RBFOX1: variants seen among roughly 807,000 people sequenced by gnomAD.
RBFOX1 encodes RNA binding protein fox-1 homolog 1.
Under a neutral mutation model 57.7 loss-of-function variants are expected in RBFOX1, and 8 were observed. The observed-to-expected ratio is 0.14, with a 90% confidence interval of 0.08 to 0.25. The LOEUF is 0.25. RBFOX1 is among the 10% of genes least tolerant of loss of function. RBFOX1 has a pLI of 1.00. For synonymous variants in RBFOX1, 326 were observed against 222.4 expected (o/e 1.47, Z -4.15); for missense variants, 611 against 548.5 (o/e 1.11, Z -1.14).
At chr16:5,911,298 T>C (rs989209077) in intron 4 of RBFOX1, among the ~76,000 whole-genome samples, 5 of 152,162 alleles carry the variant, frequency 3.3e-5, no homozygotes, top group Non-Finnish European at 7.3e-5. Context: ...TCCACACTTA[T>C]TACTGATGGG....
At chr16:6,172,514 C>T (rs1400116562) in intron 1 of RBFOX1, among the ~76,000 whole-genome samples, 1 of 152,158 alleles carries the variant, frequency 6.6e-6, no homozygotes, top group East Asian at 1.9e-4. Context: ...TGCCCCTCAA[C>T]TTCATGTCCT....
At chr16:5,421,864 G>A (rs568871840) in intron 1 of RBFOX1, among the ~76,000 whole-genome samples, 6 of 152,268 alleles carry the variant, frequency 3.9e-5, no homozygotes, top group African/African-American at 4.8e-5. Flanking sequence ...ACCGGCACAC[G>A]TGAAGGCATG....
intron 3 of RBFOX1, chr16:5,611,474 G>A (rs1596449780): frequency 6.6e-6 from 1 of 152,164 alleles, no homozygotes; most frequent in South Asian, 2.1e-4. Context: ...TACCAGCGTT[G>A]TTGCTGCTGT....
chr16:7,440,260 CAG>C (rs1236995642), intron 4 of RBFOX1, among the ~76,000 whole-genome samples: 1 of 152,072 alleles, frequency 6.6e-6, no homozygotes, highest in Non-Finnish European at 1.5e-5. Flanking sequence ...AATTAAACAG[CAG>C]AGAGTTTGTT....
intron 1 of RBFOX1, among the ~76,000 whole-genome samples, chr16:6,236,257 C>G (rs926270703): frequency 6.6e-6 from 1 of 152,124 alleles, no homozygotes; most frequent in Non-Finnish European, 1.5e-5. Flanking sequence ...CCTGGCACCA[C>G]CACCTTGACC....
At chr16:6,197,880 G>C (rs777622413) in intron 1 of RBFOX1, among the ~76,000 whole-genome samples, 4 of 151,472 alleles carry the variant, frequency 2.6e-5, no homozygotes, top group African/African-American at 4.9e-5. Flanking sequence ...GCTTCCACTT[G>C]TAAGTGAGAA....
At chr16:6,819,728 A>C (rs1207525846) in intron 3 of RBFOX1, among the ~76,000 whole-genome samples, 1 of 101,862 alleles carries the variant, frequency 9.8e-6, no homozygotes, top group Non-Finnish European at 2.1e-5. Flanking sequence ...AAAAAAAAAA[A>C]AAATAACAAC....
In RBFOX1 at chr16:6,827,003, C is replaced by T. The variant is rs533996516; in HGVS notation, c.-16+172353C>T. ...ATTGCACTGCAATAGATAGGCCATG[C>T]TGTAAACTAACTTTTTAGTCTGGGG... On this transcript the variant is annotated intron_variant, in intron 3 of 15. Transcript: ENST00000550418. 1.4e-4 allele frequency among the ~76,000 whole-genome samples: 21 copies of T among 152,234 alleles called. No homozygotes were observed. In the East Asian group the frequency reaches 3.5e-3, roughly 25 times the overall value.
intron 4 of RBFOX1, among the ~76,000 whole-genome samples, chr16:7,516,896 G>A (rs2076477995): frequency 6.6e-6 from 1 of 152,096 alleles, no homozygotes; most frequent in Admixed American, 6.5e-5. Flanking sequence ...TTGCTTTAGA[G>A]AAAGAGGATT....
chr16:6,505,900 A>T (rs1446942701), intron 2 of RBFOX1, among the ~76,000 whole-genome samples: 1 of 152,186 alleles, frequency 6.6e-6, no homozygotes, highest in African/African-American at 2.4e-5. Context: ...AGTGACAGAG[A>T]ACCTGTTACC....
At chr16:7,376,542 A>G (rs1284031027) in intron 4 of RBFOX1, among the ~76,000 whole-genome samples, 1 of 152,086 alleles carries the variant, frequency 6.6e-6, no homozygotes, top group East Asian at 1.9e-4. Context: ...CTAAATTCAG[A>G]TTTTCCAACC....
chr16:6,772,613 G>GT (rs887857193), intron 3 of RBFOX1, among the ~76,000 whole-genome samples: 1 of 150,584 alleles, frequency 6.6e-6, no homozygotes, highest in Admixed American at 6.6e-5. Context: ...ATTTGTGAGT[G>GT]TATGTGTATG....
chr16:5,803,134 C>A (rs2055113112), intron 3 of RBFOX1, among the ~76,000 whole-genome samples: 2 of 152,100 alleles, frequency 1.3e-5, no homozygotes, highest in Admixed American at 1.3e-4. Flanking sequence ...GTCTCTCCAT[C>A]CGCTGTATCC....
intron 4 of RBFOX1, among the ~76,000 whole-genome samples, chr16:7,112,682 G>GTC (rs2065047652): frequency 3.3e-5 from 5 of 149,324 alleles, no homozygotes; most frequent in African/African-American, 1.2e-4. Flanking sequence ...GTGTGTGGGT[G>GTC]TGGGTGTGTC....
chr16:5,996,164 C>T (rs1390509515), intron 4 of RBFOX1, among the ~76,000 whole-genome samples: 2 of 152,114 alleles, frequency 1.3e-5, no homozygotes, highest in African/African-American at 4.8e-5. Flanking sequence ...ATTTTGGGGG[C>T]ACATAAACAT....
At chr16:5,768,288 A>C (rs1480468866) in intron 3 of RBFOX1, among the ~76,000 whole-genome samples, 1 of 152,212 alleles carries the variant, frequency 6.6e-6, no homozygotes, top group Non-Finnish European at 1.5e-5. Flanking sequence ...GAAGCGCTGA[A>C]ATGTGCATCA....
chr16:6,587,950 C>T (rs934386578), intron 2 of RBFOX1, among the ~76,000 whole-genome samples: 7 of 152,168 alleles, frequency 4.6e-5, no homozygotes, highest in African/African-American at 1.2e-4. Flanking sequence ...GCGGTTTTTG[C>T]CTGGCACAGT....
At chr16:7,449,217 C>T (rs1382605106) in intron 4 of RBFOX1, among the ~76,000 whole-genome samples, 1 of 152,046 alleles carries the variant, frequency 6.6e-6, no homozygotes, top group South Asian at 2.1e-4. Context: ...GCGTGAGCCA[C>T]CATGCCCAGC....
chr16:7,258,444 C>A (rs532444733), intron 4 of RBFOX1, among the ~76,000 whole-genome samples: 1 of 152,172 alleles, frequency 6.6e-6, no homozygotes, highest in South Asian at 2.1e-4. Flanking sequence ...TTGCCTGTTT[C>A]ATCTTCTATA....
Sources: gnomAD v4.1 joint callset for allele counts (sites outside exome capture counted in the v4.1 genomes callset) on GRCh38, gnomAD v4.1.1 for gene constraint, MANE v1.5 for transcripts, NCBI Gene and HGNC (gene_info 2026-07-23, HGNC 2026-07-21) for gene names.